CLMP: variants seen among roughly 807,000 people sequenced by gnomAD.
CLMP encodes the protein CXADR-like membrane protein.
A neutral mutation model predicts 45.2 loss-of-function variants in CLMP; 27 were observed. The ratio of observed to expected loss-of-function variants is 0.60; its 90% CI spans 0.44 to 0.82. The LOEUF (loss-of-function observed/expected upper bound fraction) is 0.82. CLMP is among the 40% of genes least tolerant of loss of function. The probability of loss-of-function intolerance (pLI) is 0.00; values close to 1 mark genes in which losing one functional copy is unlikely to be tolerated. For missense variants in CLMP, 403 were observed against 448.4 expected (o/e 0.90, Z 0.91); for synonymous variants, 167 against 171.4 (o/e 0.97, Z 0.20).
chr11:123,089,733 C>T lies in CLMP; in HGVS notation c.187-5020G>A, dbSNP rs1343764580. ...CGGAGCTTGCAGTGAGCCAAGATCG[C>T]ACCACTGCACTCCAGCCTGGGCGAC... On this transcript the variant is annotated intron_variant, in intron 2 of 6. Transcript: ENST00000448775. Among the ~76,000 whole-genome samples the T allele has an allele frequency of 2.1e-5, 3 of 143,530 alleles. No homozygotes were observed. In the Admixed American group the frequency reaches 2.1e-4, roughly 10 times the overall value. The allele number at this position is 143,530 out of a possible 152,430, so 94.2% of individuals were successfully genotyped here.
intron 1 of CLMP, among the ~76,000 whole-genome samples, chr11:123,120,420 G>C (rs960176596): frequency 6.6e-6 from 1 of 151,808 alleles, no homozygotes; most frequent in African/African-American, 2.4e-5. Context: ...CCAAGAGTTT[G>C]TCAAGAGATC....
intron 1 of CLMP, among the ~76,000 whole-genome samples, chr11:123,142,196 G>C (rs1861170966): frequency 6.6e-6 from 1 of 151,948 alleles, no homozygotes; most frequent in Admixed American, 6.6e-5. Context: ...TGTTGCCCAG[G>C]TTGGTTTCAA....
chr11:123,176,723 G>C (rs930658997), intron 1 of CLMP, among the ~76,000 whole-genome samples: 9 of 152,154 alleles, frequency 5.9e-5, no homozygotes, highest in Non-Finnish European at 1.0e-4. Flanking sequence ...AGTTAACAGT[G>C]CATGTGAAGG....
intron 1 of CLMP, among the ~76,000 whole-genome samples, chr11:123,098,189 T>C (rs1160232207): frequency 6.6e-6 from 1 of 152,160 alleles, no homozygotes; most frequent in Non-Finnish European, 1.5e-5. Context: ...CCTGTCTTTC[T>C]TACCTTACTT....
At chr11:123,077,759 T>C (rs1200154139) in intron 5 of CLMP, among the ~76,000 whole-genome samples, 2 of 152,140 alleles carry the variant, frequency 1.3e-5, no homozygotes, top group African/African-American at 4.8e-5. Flanking sequence ...GGACACATAA[T>C]CTAGATGGAT....
At chr11:123,140,615 C>T (rs1451896319) in intron 1 of CLMP, among the ~76,000 whole-genome samples, 2 of 152,056 alleles carry the variant, frequency 1.3e-5, no homozygotes, top group African/African-American at 4.8e-5. Context: ...CCAAAGCTTT[C>T]CTCTCTTTCT....
intron 1 of CLMP, among the ~76,000 whole-genome samples, chr11:123,131,338 GA>G (rs1043674477): frequency 2.0e-5 from 3 of 150,362 alleles, no homozygotes; most frequent in African/African-American, 7.3e-5. Flanking sequence ...AAAAAATACA[GA>G]AAAAAAAGAA....
At chr11:123,131,259 G>A (rs1591470584) in intron 1 of CLMP, among the ~76,000 whole-genome samples, 1 of 151,600 alleles carries the variant, frequency 6.6e-6, no homozygotes, top group African/African-American at 2.4e-5. Flanking sequence ...CAAATATAAA[G>A]AGCCTAGAAA....
At chr11:123,167,507 G>A (rs1046832957) in intron 1 of CLMP, among the ~76,000 whole-genome samples, 2 of 151,950 alleles carry the variant, frequency 1.3e-5, no homozygotes, top group Non-Finnish European at 2.9e-5. Flanking sequence ...GGATGGTCTC[G>A]ATCTCCTGAC....
At chr11:123,181,426 G>T (rs751615459) in intron 1 of CLMP, among the ~76,000 whole-genome samples, 9 of 152,154 alleles carry the variant, frequency 5.9e-5, no homozygotes, top group Non-Finnish European at 1.3e-4. Flanking sequence ...TTCGCCTCAT[G>T]GTAGATATTC....
In CLMP at chr11:123,183,440, A is replaced by G. The variant is rs1365341635; in HGVS notation, c.28+11473T>C. Among the ~76,000 whole-genome samples, 5 of 152,300 alleles carry G rather than the reference A, an allele frequency of 3.3e-5. No homozygotes were observed. In the East Asian group the frequency reaches 9.6e-4, roughly 29 times the overall value. ...AAGACAGGGTTTCACTATGTTGGCC[A>G]GACTGGTCTCGAACTCCTGACCTCA... On this transcript the variant is annotated intron_variant, in intron 1 of 6. Transcript: ENST00000448775.
intron 5 of CLMP, among the ~76,000 whole-genome samples, chr11:123,080,167 A>G (rs1036858737): frequency 1.3e-5 from 2 of 152,200 alleles, no homozygotes; most frequent in African/African-American, 4.8e-5. Context: ...TAAGAGAGAG[A>G]GGATCTGAGT....
At chr11:123,171,392 G>C (rs1315566635) in intron 1 of CLMP, among the ~76,000 whole-genome samples, 1 of 151,828 alleles carries the variant, frequency 6.6e-6, no homozygotes, top group Non-Finnish European at 1.5e-5. Flanking sequence ...CTGGAGAAGG[G>C]AGGGTATTTG....
At chr11:123,094,636 GT>G (rs1865969674) in intron 2 of CLMP, among the ~76,000 whole-genome samples, 2 of 152,100 alleles carry the variant, frequency 1.3e-5, no homozygotes, top group Admixed American at 6.6e-5. Context: ...GCCTCAAGTA[GT>G]CCTCCCACCT....
intron 1 of CLMP, among the ~76,000 whole-genome samples, chr11:123,150,480 AAAGG>A (rs71057397): frequency 0.026 from 1,052 of 40,794 alleles, 31 homozygotes; most frequent in African/African-American, 0.035. Context: ...AGAAAGAAAG[AAAGG>A]AAGGAAGGAA....
intron 1 of CLMP, among the ~76,000 whole-genome samples, chr11:123,107,783 G>A (rs947410903): frequency 4.0e-5 from 6 of 149,750 alleles, no homozygotes; most frequent in East Asian, 3.9e-4. Context: ...ATATTTGCTC[G>A]CTTTTGTGTG....
At chr11:123,148,887 C>T (rs968148092) in intron 1 of CLMP, among the ~76,000 whole-genome samples, 1 of 152,178 alleles carries the variant, frequency 6.6e-6, no homozygotes, top group African/African-American at 2.4e-5. Context: ...TGCCTAATGC[C>T]TCGGCTTCTA....
intron 1 of CLMP, among the ~76,000 whole-genome samples, chr11:123,182,650 C>T (rs1861784274): frequency 6.6e-6 from 1 of 152,242 alleles, no homozygotes; most frequent in African/African-American, 2.4e-5. Context: ...CCCAAGAACA[C>T]AGGCTACTGC....
intron 1 of CLMP, among the ~76,000 whole-genome samples, chr11:123,178,704 G>A (rs1372244285): frequency 6.6e-6 from 1 of 152,194 alleles, no homozygotes; most frequent in Non-Finnish European, 1.5e-5. Flanking sequence ...GATGGGAGAT[G>A]CAAATGAAAG....
Sources: gnomAD v4.1 joint callset for allele counts (sites outside exome capture counted in the v4.1 genomes callset) on GRCh38, gnomAD v4.1.1 for gene constraint, MANE v1.5 for transcripts, NCBI Gene and HGNC (gene_info 2026-07-23, HGNC 2026-07-21) for gene names.